Variants in POLK observed in about 807,000 individuals in gnomAD.
POLK encodes the protein DNA polymerase kappa, also known as polymerase (DNA directed) kappa.
POLK carries 76 observed loss-of-function variants against 94.0 expected under a neutral mutation model. That is an observed-to-expected ratio of 0.81 (90% CI 0.67 to 0.98). The LOEUF (loss-of-function observed/expected upper bound fraction) is 0.98, where lower values mean the gene tolerates loss of function less well. Among genes scored for constraint, POLK ranks in the 50% least tolerant of loss-of-function variants. The pLI, the probability that POLK is intolerant of heterozygous loss-of-function variation, is 0.00. For synonymous variants in POLK, 349 were observed against 325.4 expected (o/e 1.07, Z -0.78); for missense variants, 954 against 1,010.1 (o/e 0.94, Z 0.75).
At chr5:75,602,003 A>G (rs575482069), downstream of POLK, among the ~76,000 whole-genome samples, 1 of 152,284 alleles carries the variant, frequency 6.6e-6, no homozygotes, top group East Asian at 1.9e-4. Context: ...TCAATTTGTT[A>G]TATTAGGCTT....
the POLK span, among the ~76,000 whole-genome samples, chr5:75,607,194 C>T: frequency 2.6e-5 from 4 of 152,066 alleles, no homozygotes; most frequent in African/African-American, 9.7e-5. Context: ...TGGCCGGGTG[C>T]GGTGTCTCAC....
intron 3 of POLK, among the ~76,000 whole-genome samples, chr5:75,558,289 G>C (rs191652029): frequency 6.7e-6 from 1 of 148,822 alleles, no homozygotes; most frequent in Admixed American, 6.7e-5. Flanking sequence ...TCATAACCAT[G>C]CCTATGTCTT....
chr5:75,571,727 T>A (rs1226116526), intron 4 of POLK, among the ~76,000 whole-genome samples: 1 of 152,222 alleles, frequency 6.6e-6, no homozygotes, highest in Admixed American at 6.5e-5. Flanking sequence ...TTCCTTCACA[T>A]TATTTTTATC....
intron 1 of POLK, among the ~76,000 whole-genome samples, chr5:75,525,993 A>G (rs1311977058): frequency 1.3e-5 from 2 of 152,226 alleles, no homozygotes. Flanking sequence ...TGAAATATCT[A>G]AACTAATGAG....
intron 10 of POLK, 119 bp from the exon 11 acceptor site, chr5:75,590,224 CT>C (rs1156775792): frequency 3.1e-5 from 15 of 488,104 alleles, no homozygotes; most frequent in Non-Finnish European, 4.0e-5. Context: ...CATCTGAAAA[CT>C]TTATTTTGTA....
intron 1 of POLK, among the ~76,000 whole-genome samples, chr5:75,527,532 C>CACACAG (rs1768927741): frequency 2.7e-5 from 4 of 149,744 alleles, no homozygotes; most frequent in African/African-American, 9.9e-5. Context: ...CACACACACA[C>CACACAG]ACACACACAA....
chr5:75,598,109 A>G, exon 15 of POLK: 1 of 559,550 alleles, frequency 1.8e-6, no homozygotes, highest in Non-Finnish European at 3.0e-6. Flanking sequence ...TTGCAGATTT[A>G]TTTAGTGAAG....
At chr5:75,568,430 G>A (rs182291519) in intron 3 of POLK, among the ~76,000 whole-genome samples, 54 of 152,278 alleles carry the variant, frequency 3.5e-4, no homozygotes, top group African/African-American at 1.3e-3. Context: ...CCTTGATAGT[G>A]GAGGCCGGCC....
chr5:75,604,781 G>A (rs1773380877), downstream of POLK, among the ~76,000 whole-genome samples: 1 of 152,170 alleles, frequency 6.6e-6, no homozygotes, highest in Admixed American at 6.5e-5. Flanking sequence ...ACAGAGAGGT[G>A]ATGCTTATTT....
At chr5:75,524,478 C>T (rs1194700291) in intron 1 of POLK, among the ~76,000 whole-genome samples, 3 of 152,134 alleles carry the variant, frequency 2.0e-5, no homozygotes, top group Admixed American at 6.5e-5. Context: ...AATAGCTGTA[C>T]TTTGGAGAGC....
exon 6 of POLK, chr5:75,576,932 T>C (rs776853519): frequency 6.5e-7 from 1 of 1,537,178 alleles, no homozygotes; most frequent in South Asian, 1.3e-5. Context: ...CTGTAGAAAA[T>C]GGTAAGCAAC....
chr5:75,551,695 T>C (rs915246963), intron 2 of POLK, among the ~76,000 whole-genome samples: 3 of 152,184 alleles, frequency 2.0e-5, no homozygotes, highest in African/African-American at 7.2e-5. Context: ...TTAGAATAGC[T>C]ATAATAAATA....
intron 1 of POLK, among the ~76,000 whole-genome samples, chr5:75,529,174 A>C (rs1055031437): frequency 3.3e-5 from 5 of 152,198 alleles, no homozygotes; most frequent in African/African-American, 1.2e-4. Flanking sequence ...TGGTGCCAGC[A>C]TCTGCTCCTG....
intron 1 of POLK, among the ~76,000 whole-genome samples, chr5:75,515,188 C>T (rs1163689591): frequency 6.6e-6 from 1 of 152,080 alleles, no homozygotes; most frequent in South Asian, 2.1e-4. Context: ...ATTGATTTAA[C>T]CTTTGGTATT....
intron 3 of POLK, among the ~76,000 whole-genome samples, chr5:75,566,108 G>C (rs1281446866): frequency 6.6e-6 from 1 of 152,232 alleles, no homozygotes; most frequent in Non-Finnish European, 1.5e-5. Flanking sequence ...CAGTGGCCTT[G>C]CCAAGCTGTG....
At chr5:75,547,887 A>G (rs1031165846) in intron 2 of POLK, among the ~76,000 whole-genome samples, 1 of 152,202 alleles carries the variant, frequency 6.6e-6, no homozygotes, top group Non-Finnish European at 1.5e-5. Flanking sequence ...GTAATATAGT[A>G]TAGCATTAAT....
Position 75,592,701 on chromosome 5 carries a change from CA to C in POLK, c.1357-1166del, listed in dbSNP as rs753126425. ...CAGAGTGAGACTCTGTCTAAAACAA[CA>C]AAAAAAAAAACAAACAAAAAAATTC... On this transcript the variant is annotated intron_variant, in intron 11 of 14. Transcript: ENST00000241436. Among the ~76,000 whole-genome samples the C allele has an allele frequency of 2.6e-3, 342 of 132,624 alleles. 1 individual carries two copies. In the East Asian group the frequency reaches 0.031, roughly 12 times the overall value. 87.0% of individuals were successfully genotyped at this position (132,624 alleles called of 152,430 possible).
intron 3 of POLK, among the ~76,000 whole-genome samples, chr5:75,562,485 A>G (rs879089360): frequency 6.6e-6 from 1 of 152,144 alleles, no homozygotes; most frequent in African/African-American, 2.4e-5. Context: ...TCTCTTCCTA[A>G]TTGAATACCC....
chr5:75,602,279 A>G (rs1205814660), downstream of POLK, among the ~76,000 whole-genome samples: 1 of 152,218 alleles, frequency 6.6e-6, no homozygotes, highest in African/African-American at 2.4e-5. Flanking sequence ...CTCATGGCCC[A>G]GGGCTTCAGC....
Sources: allele counts gnomAD v4.1 joint callset (sites outside exome capture counted in the v4.1 genomes callset), GRCh38; gene constraint gnomAD v4.1.1; transcripts MANE v1.5; gene names NCBI Gene and HGNC (gene_info 2026-07-23, HGNC 2026-07-21).